The following MARK1 variants were observed in gnomAD, a reference collection of about 807,000 sequenced individuals.
MARK1 encodes the protein serine/threonine-protein kinase MARK1.
A neutral mutation model predicts 96.3 loss-of-function variants in MARK1; 40 were observed. That is an observed-to-expected ratio of 0.42 (90% confidence interval 0.32 to 0.54). The LOEUF is 0.54. Among genes scored for constraint, MARK1 ranks in the 20% least tolerant of loss-of-function variants. The pLI is 0.16. For missense variants in MARK1, 719 were observed against 984.6 expected (o/e 0.73, Z 3.61); for synonymous variants, 317 against 341.2 (o/e 0.93, Z 0.78).
intron 9 of MARK1, chr1:220,626,753 C>T (rs1033670072): frequency 3.4e-5 from 11 of 327,604 alleles, no homozygotes; most frequent in East Asian, 2.9e-4. Flanking sequence ...ACCCTAGAGG[C>T]GGAGGTTGCA....
intron 3 of MARK1, among the ~76,000 whole-genome samples, chr1:220,597,178 A>G (rs773957618): frequency 1.3e-5 from 2 of 152,114 alleles, no homozygotes; most frequent in African/African-American, 4.8e-5. Flanking sequence ...ACATGGGTGT[A>G]CTAGTATCTG....
intron 3 of MARK1, among the ~76,000 whole-genome samples, chr1:220,595,047 T>G (rs577930946): frequency 6.6e-6 from 1 of 152,276 alleles, no homozygotes; most frequent in South Asian, 2.1e-4. Flanking sequence ...TTATAACAAA[T>G]GTACCTCTCT....
At chr1:220,537,335 G>A (rs1572039600) in intron 1 of MARK1, among the ~76,000 whole-genome samples, 2 of 147,284 alleles carry the variant, frequency 1.4e-5, no homozygotes, top group Non-Finnish European at 3.0e-5. Flanking sequence ...GAGAACATGC[G>A]GTGTTTGGTT....
chr1:220,635,186 T>A (rs1572210615), intron 11 of MARK1, among the ~76,000 whole-genome samples, 190 bp from the exon 12 acceptor site: 2 of 152,300 alleles, frequency 1.3e-5, no homozygotes, highest in Admixed American at 1.3e-4. Flanking sequence ...CACTAAAGCG[T>A]ATTCTATCCA....
intron 13 of MARK1, among the ~76,000 whole-genome samples, chr1:220,639,880 T>C (rs779472513): frequency 1.3e-5 from 2 of 152,228 alleles, no homozygotes; most frequent in Non-Finnish European, 2.9e-5. Flanking sequence ...ATTATCAATC[T>C]TTAACATTTT....
chr1:220,593,602 CCTACTGT>C (rs1665136168), intron 3 of MARK1, among the ~76,000 whole-genome samples: 2 of 152,272 alleles, frequency 1.3e-5, no homozygotes, highest in Admixed American at 1.3e-4. Context: ...GAGCCCCACC[CCTACTGT>C]CAGCCTGGGA....
chr1:220,592,247 A>G (rs1665044401), intron 3 of MARK1, among the ~76,000 whole-genome samples: 1 of 147,138 alleles, frequency 6.8e-6, no homozygotes, highest in Non-Finnish European at 1.5e-5. Context: ...ATTATATTAT[A>G]TTATATTATA....
At chr1:220,642,649 C>T (rs575423087) in intron 13 of MARK1, among the ~76,000 whole-genome samples, 1 of 152,316 alleles carries the variant, frequency 6.6e-6, no homozygotes, top group African/African-American at 2.4e-5. Context: ...TAAGGACGTC[C>T]GTGATACTGT....
At chr1:220,550,666 C>T (rs537367972) in intron 1 of MARK1, among the ~76,000 whole-genome samples, 1 of 152,230 alleles carries the variant, frequency 6.6e-6, no homozygotes, top group East Asian at 1.9e-4. Flanking sequence ...TTCTGTTTGT[C>T]CTGTGTCCCT....
chr1:220,662,328 G>A lies in MARK1; in HGVS notation c.*162G>A. The stretch of plus-strand genomic sequence containing the variant: ...CATAGTTATGAACTGTAAAATTAAA[G>A]TCAGTATGAACTATAATAAATATCT... On this transcript the variant is annotated 3_prime_UTR_variant, in exon 18 of 18. Transcript: ENST00000366917. The A allele has an allele frequency of 5.1e-6, 3 of 588,648 alleles. No homozygotes were observed. The highest frequency in any genetic ancestry group is 9.0e-6 in the Non-Finnish European group (3 of 333,854). 36.5% of individuals were successfully genotyped at this position (588,648 alleles called of 1,614,324 possible).
Position 220,528,636 on chromosome 1 carries a change from CTCCTCTTCCTCCGCG to C in MARK1, c.-177_-163del. ...GCGCCGCCGCGGGAAGCGGCTCCCC[CTCCTCTTCCTCCGCG>C]TCCTCTTCCCTCTTTCCCCCGCCGG... On this transcript the variant is annotated 5_prime_UTR_variant, in exon 1 of 18. Transcript: ENST00000366917. The C allele has an allele frequency of 2.0e-6, 1 of 505,178 alleles. No homozygotes were observed. The highest frequency in any genetic ancestry group is 3.1e-5 in the South Asian group (1 of 32,166). 31.3% of individuals were successfully genotyped at this position (505,178 alleles called of 1,614,324 possible).
In MARK1 at chr1:220,618,992, C is replaced by A. The variant is rs1377652487; in HGVS notation, c.909+237C>A. Among the ~76,000 whole-genome samples the A allele has an allele frequency of 1.3e-5, 2 of 152,050 alleles. No individual in the cohort carries two copies. Among genetic ancestry groups the A allele is most frequent in the Non-Finnish European group, 2.9e-5 (2 of 68,008 alleles). Reference sequence around the variant, plus strand: ...GCAGTGCCGTATTAAATAAAAACAACACAAAAATAGAGGTTGACTTTTAGT... The same window carrying A: ...GCAGTGCCGTATTAAATAAAAACAAAACAAAAATAGAGGTTGACTTTTAGT... On this transcript the variant is annotated intron_variant, in intron 9 of 17. Transcript: ENST00000366917. The surrounding 1 kb of genome is among the most constrained non-coding windows in gnomAD (Gnocchi z 4.6).
chr1:220,581,054 T>A lies in MARK1; in HGVS notation c.256-11T>A. 8.1e-7 allele frequency: 1 copy of A among 1,229,674 alleles called. No homozygotes were observed. Among genetic ancestry groups the A allele is most frequent in the East Asian group, 2.7e-5 (1 of 36,964 alleles). 76.2% of individuals were successfully genotyped at this position (1,229,674 alleles called of 1,614,324 possible). A position where few individuals can be genotyped will look rare whatever the true frequency, so the allele number is the denominator to read the frequency against. The stretch of plus-strand genomic sequence containing the variant: ...TTTTTCAAATAGAGTTTAATGATTC[T>A]TCTTTTTTAGGTTGCTGTGAAAATA... On this transcript the variant is annotated splice_polypyrimidine_tract_variant and intron_variant, in intron 2 of 17. Transcript: ENST00000366917.
rs529041423 is a variant in MARK1 at position 220,637,156 on chromosome 1, G to A, written c.1470+1130G>A. On this transcript the variant is annotated intron_variant, in intron 13 of 17. Transcript: ENST00000366917. ...CCTTAGTTGGAGGAAGCATTCTTACGGGAAGAGAAATGAATCTAGAATGTT... is the reference window on the plus strand; with the variant it reads ...CCTTAGTTGGAGGAAGCATTCTTACAGGAAGAGAAATGAATCTAGAATGTT... Among the ~76,000 whole-genome samples the A allele has an allele frequency of 3.9e-5, 6 of 152,214 alleles. No individual in the cohort carries two copies. In the South Asian group the frequency reaches 8.3e-4, roughly 21 times the overall value.
intron 1 of MARK1, among the ~76,000 whole-genome samples, chr1:220,554,159 T>A (rs1662078507): frequency 6.6e-6 from 1 of 152,194 alleles, no homozygotes; most frequent in African/African-American, 2.4e-5. Flanking sequence ...CCTGAATTTA[T>A]GTGGGATGTA....
intron 13 of MARK1, among the ~76,000 whole-genome samples, chr1:220,636,708 C>T (rs1309368005): frequency 6.6e-6 from 1 of 151,454 alleles, no homozygotes; most frequent in African/African-American, 2.4e-5. Context: ...TTTATAGATA[C>T]CAAAAAAAAG....
chr1:220,623,346 T>C (rs561832321), intron 9 of MARK1, among the ~76,000 whole-genome samples: 2 of 152,340 alleles, frequency 1.3e-5, no homozygotes, highest in East Asian at 3.9e-4. Context: ...CATATCTCTC[T>C]TCCCTTTCAT....
intron 1 of MARK1, among the ~76,000 whole-genome samples, chr1:220,571,491 A>G (rs1558266618): frequency 6.6e-6 from 1 of 152,162 alleles, no homozygotes; most frequent in African/African-American, 2.4e-5. Context: ...AACATCCACC[A>G]TCGTACTATT....
At chr1:220,637,835 GAA>G (rs1668053598) in intron 13 of MARK1, among the ~76,000 whole-genome samples, 1 of 151,188 alleles carries the variant, frequency 6.6e-6, no homozygotes, top group Non-Finnish European at 1.5e-5. Flanking sequence ...GGACAGGAGA[GAA>G]AAAAATTACT....
Sources: allele counts gnomAD v4.1 joint callset (sites outside exome capture counted in the v4.1 genomes callset), GRCh38; gene constraint gnomAD v4.1.1; non-coding constraint Gnocchi (gnomAD v3.1); transcripts MANE v1.5; gene names NCBI Gene and HGNC (gene_info 2026-07-23, HGNC 2026-07-21).